PLXNA4: variants seen among roughly 807,000 people sequenced by gnomAD.
PLXNA4 encodes the protein plexin A4.
Under a neutral mutation model 191.8 loss-of-function variants are expected in PLXNA4, and 44 were observed. The observed-to-expected ratio is 0.23, with a 90% CI of 0.18 to 0.29. PLXNA4 has a LOEUF of 0.29. Among genes scored for constraint, PLXNA4 ranks in the 10% least tolerant of loss-of-function variants. The pLI is 1.00. For missense variants in PLXNA4, 1,800 were observed against 2,488.8 expected (o/e 0.72, Z 5.89); for synonymous variants, 1,082 against 1,009.5 (o/e 1.07, Z -1.36).
At chr7:132,411,343 C>T (rs900534097) in intron 3 of PLXNA4, among the ~76,000 whole-genome samples, 1 of 152,178 alleles carries the variant, frequency 6.6e-6, no homozygotes. Flanking sequence ...GTTCGGGCTT[C>T]ACCCTGGAAT....
At chr7:132,439,226 G>A (rs1456451836) in intron 3 of PLXNA4, among the ~76,000 whole-genome samples, 1 of 152,192 alleles carries the variant, frequency 6.6e-6, no homozygotes, top group African/African-American at 2.4e-5. Flanking sequence ...GCCCACAGGT[G>A]CAACAAACCC....
At chr7:132,174,666 G>T in intron 21 of PLXNA4, 112 bp downstream of exon 21, 1 of 1,509,912 alleles carries the variant, frequency 6.6e-7, no homozygotes. Flanking sequence ...CCTTGGGCAA[G>T]TTGTGTCCCC....
chr7:132,306,898 A>G (rs4484630), intron 3 of PLXNA4, among the ~76,000 whole-genome samples: 98,380 of 151,826 alleles, frequency 0.65, 32,096 homozygotes, highest in South Asian at 0.77. Flanking sequence ...GGGGCAAAGA[A>G]GAGCTGGGAA....
chr7:132,151,852 C>G (rs1355694172), intron 25 of PLXNA4, among the ~76,000 whole-genome samples: 1 of 152,072 alleles, frequency 6.6e-6, no homozygotes, highest in African/African-American at 2.4e-5. Context: ...GCGGGCAGCC[C>G]CACATTCCCT....
In PLXNA4 at chr7:132,466,316, C is replaced by T. The variant is rs375782078; in HGVS notation, c.1371+22976G>A. ...GAGCCCAACAGGGCATGATGAGGAC[C>T]CGTATGGGCTCTGGAGCCAGGAGTC... On this transcript the variant is annotated intron_variant, in intron 3 of 31. Coordinates refer to ENST00000321063, the MANE Select transcript of PLXNA4 (RefSeq NM_020911.2). Among the ~76,000 whole-genome samples, 10 of 152,290 alleles carry T rather than the reference C, an allele frequency of 6.6e-5. No homozygotes were observed. The East Asian group carries it at 1.7e-3, about 26-fold the overall frequency.
chr7:132,229,524 T>A (rs569312836), intron 5 of PLXNA4, among the ~76,000 whole-genome samples: 47 of 151,952 alleles, frequency 3.1e-4, no homozygotes, highest in Non-Finnish European at 3.4e-4. Flanking sequence ...GATTCTGTTG[T>A]GGGGTGGGGG....
intron 3 of PLXNA4, among the ~76,000 whole-genome samples, chr7:132,349,448 G>T (rs741663): frequency 0.25 from 38,303 of 152,072 alleles, 5,162 homozygotes; most frequent in African/African-American, 0.34. Context: ...GGCTACCAAG[G>T]GGGGCCACTG....
In PLXNA4 at chr7:132,548,732, C is replaced by T. The variant is rs151054336; in HGVS notation, c.-87+27690G>A. Among the ~76,000 whole-genome samples, 6 of 152,212 alleles carry T rather than the reference C, an allele frequency of 3.9e-5. No homozygotes were observed. The East Asian group carries it at 1.2e-3, about 29-fold the overall frequency. On this transcript the variant is annotated intron_variant, in intron 1 of 31. Coordinates refer to ENST00000321063, the MANE Select transcript of PLXNA4 (RefSeq NM_020911.2). ...GGGATGGGTAAAATGAGGCTGAGTC[C>T]TACTGGGCTACATTCCCAGAAGGTT...
At chr7:132,208,426 C>A (rs970906706) in intron 10 of PLXNA4, among the ~76,000 whole-genome samples, 12 of 152,202 alleles carry the variant, frequency 7.9e-5, no homozygotes, top group African/African-American at 2.9e-4. Flanking sequence ...AAGCAGTGAC[C>A]TGGGGGGCAC....
chr7:132,514,538 A>T (rs1798863503), intron 1 of PLXNA4, among the ~76,000 whole-genome samples: 1 of 152,152 alleles, frequency 6.6e-6, no homozygotes, highest in Admixed American at 6.6e-5. Context: ...TAAGATTAAC[A>T]TTTAAATCAG....
intron 2 of PLXNA4, among the ~76,000 whole-genome samples, chr7:132,635,903 A>G (rs1053344411): frequency 6.6e-6 from 1 of 152,198 alleles, no homozygotes; most frequent in Non-Finnish European, 1.5e-5. Flanking sequence ...TAGGTAAATG[A>G]ATGGCATGTA....
At chr7:132,339,186 C>T (rs751008394) in intron 3 of PLXNA4, among the ~76,000 whole-genome samples, 11 of 152,128 alleles carry the variant, frequency 7.2e-5, no homozygotes, top group African/African-American at 2.7e-4. Context: ...ACTGAGACTC[C>T]GCAAAACATA....
chr7:132,486,008 A>G (rs1797545377), intron 3 of PLXNA4, among the ~76,000 whole-genome samples: 1 of 152,130 alleles, frequency 6.6e-6, no homozygotes, highest in Admixed American at 6.6e-5. Context: ...TGAAACCCAC[A>G]GCAAACACCC....
intron 2 of PLXNA4, among the ~76,000 whole-genome samples, chr7:132,502,555 G>A (rs748827146): frequency 2.8e-4 from 42 of 152,096 alleles, no homozygotes; most frequent in Middle Eastern, 3.2e-3. Context: ...GTAGGGCCCC[G>A]GATCACAAAC....
intron 3 of PLXNA4, among the ~76,000 whole-genome samples, chr7:132,388,383 C>T (rs1805250135): frequency 6.6e-6 from 1 of 152,142 alleles, no homozygotes; most frequent in African/African-American, 2.4e-5. Context: ...GTCACCCAGC[C>T]ACATTGTGTC....
At chr7:132,554,638 C>T (rs1442890269) in intron 1 of PLXNA4, among the ~76,000 whole-genome samples, 2 of 152,212 alleles carry the variant, frequency 1.3e-5, no homozygotes, top group South Asian at 2.1e-4. Flanking sequence ...CAGGGTGCCT[C>T]AGGGCAGAGG....
rs111898193 is a variant in PLXNA4 at position 132,461,356 on chromosome 7, A to G, written c.1371+27936T>C. 2.8e-3 allele frequency among the ~76,000 whole-genome samples: 420 copies of G among 152,324 alleles called. 2 individuals are homozygous for G. The highest frequency in any genetic ancestry group is 4.4e-3 in the Non-Finnish European group (298 of 68,038). On this transcript the variant is annotated intron_variant, in intron 3 of 31. Coordinates refer to ENST00000321063, the MANE Select transcript of PLXNA4 (RefSeq NM_020911.2). ...GAAGTATAATGCAAAAAAGAAAGTG[A>G]CAGACGCACTTGAAAAGCTTTCTCA...
At chr7:132,212,089 C>G (rs1163422354) in intron 9 of PLXNA4, among the ~76,000 whole-genome samples, 2 of 152,188 alleles carry the variant, frequency 1.3e-5, no homozygotes, top group African/African-American at 4.8e-5. Context: ...TGGGCATCCC[C>G]TGTGCCAGGC....
At chr7:132,549,746 C>T (rs1800474187) in intron 1 of PLXNA4, among the ~76,000 whole-genome samples, 1 of 144,920 alleles carries the variant, frequency 6.9e-6, no homozygotes, top group South Asian at 2.3e-4. Context: ...GTTACTGCTA[C>T]ATCTTTAATA....
Sources: allele counts gnomAD v4.1 joint callset (sites outside exome capture counted in the v4.1 genomes callset), GRCh38; gene constraint gnomAD v4.1.1; transcripts MANE v1.5; gene names NCBI Gene and HGNC (gene_info 2026-07-23, HGNC 2026-07-21).